Variants in NKAIN2 observed in about 807,000 individuals in gnomAD.
NKAIN2 encodes the protein sodium/potassium-transporting ATPase subunit beta-1-interacting protein 2.
A neutral mutation model predicts 32.6 loss-of-function variants in NKAIN2; 14 were observed. The observed-to-expected ratio is 0.43, with a 90% CI of 0.28 to 0.67. The LOEUF (loss-of-function observed/expected upper bound fraction) is 0.67. Ranked by LOEUF, NKAIN2 falls within the 30% of genes least tolerant of loss-of-function variation. The pLI is 0.17. For missense variants in NKAIN2, 198 were observed against 258.3 expected, an observed-to-expected ratio of 0.77 and a Z score of 1.60; for synonymous variants, 80 against 87.2, an observed-to-expected ratio of 0.92 and a Z score of 0.46.
chr6:124,263,379 C>T (rs918466992), intron 1 of NKAIN2, among the ~76,000 whole-genome samples: 1 of 152,104 alleles, frequency 6.6e-6, no homozygotes, highest in Non-Finnish European at 1.5e-5. Flanking sequence ...CACAGGGCAT[C>T]CGTAGAAAAC....
intron 1 of NKAIN2, among the ~76,000 whole-genome samples, chr6:124,003,062 T>C (rs1160297281): frequency 6.6e-6 from 1 of 152,224 alleles, no homozygotes; most frequent in Non-Finnish European, 1.5e-5. Context: ...ATAATTCTGA[T>C]ATCTCTTCTT....
In NKAIN2 at chr6:124,773,186, G is replaced by A. The variant is rs144144989; in HGVS notation, c.475-18153G>A. ...ATTAGACATCCTCCTAGTGAGAACCGTTTTAAGATAGAAGAGAAAGTGGAA... is the reference window on the plus strand; with the variant it reads ...ATTAGACATCCTCCTAGTGAGAACCATTTTAAGATAGAAGAGAAAGTGGAA... On this transcript the variant is annotated intron_variant, in intron 4 of 6. Transcript: ENST00000368417. Among the ~76,000 whole-genome samples, 327 of 152,214 alleles carry A rather than the reference G, an allele frequency of 2.1e-3. 2 individuals are homozygous for A. The highest frequency in any genetic ancestry group is 7.6e-3 in the African/African-American group (314 of 41,562).
intron 1 of NKAIN2, among the ~76,000 whole-genome samples, chr6:124,181,291 C>T (rs1379039681): frequency 6.6e-6 from 1 of 151,970 alleles, no homozygotes; most frequent in East Asian, 1.9e-4. Context: ...CATTTTTTTC[C>T]TCCTAGGCCT....
At chr6:124,155,216 C>T (rs906951457) in intron 1 of NKAIN2, among the ~76,000 whole-genome samples, 61 of 152,040 alleles carry the variant, frequency 4.0e-4, no homozygotes, top group African/African-American at 1.4e-3. Context: ...AAAATTATAT[C>T]TAGATGGGAA....
At chr6:124,257,784 T>C (rs983062017) in intron 1 of NKAIN2, among the ~76,000 whole-genome samples, 7 of 149,900 alleles carry the variant, frequency 4.7e-5, no homozygotes, top group Non-Finnish European at 1.0e-4. Context: ...TCTTTTCTTT[T>C]TTTTTTTTTT....
At chr6:124,434,586 T>A (rs1182726191) in intron 3 of NKAIN2, among the ~76,000 whole-genome samples, 1 of 152,208 alleles carries the variant, frequency 6.6e-6, no homozygotes, top group Non-Finnish European at 1.5e-5. Context: ...ATTTTTGAAC[T>A]GCTAGATATT....
intron 4 of NKAIN2, among the ~76,000 whole-genome samples, chr6:124,744,444 C>T (rs1777364762): frequency 1.3e-5 from 2 of 151,880 alleles, no homozygotes; most frequent in Admixed American, 1.3e-4. Context: ...TTTGATTGAA[C>T]TTTGACTTCC....
intron 1 of NKAIN2, among the ~76,000 whole-genome samples, chr6:123,930,505 T>G (rs1403732664): frequency 2.6e-5 from 4 of 152,172 alleles, no homozygotes; most frequent in African/African-American, 7.2e-5. Context: ...GGAAAATGTT[T>G]TGGAAATTCC....
rs75744941 is a variant in NKAIN2, at chr6:124,725,665, C to A, written c.475-65674C>A. ...GCAATCAGTTGTTTAAACTCCAGAA[C>A]GATATTCCACATAAAAATGAATGTG... is the stretch of plus-strand genomic sequence containing the variant. On this transcript the variant is annotated intron_variant, in intron 4 of 6. Coordinates refer to ENST00000368417, the MANE Select transcript of NKAIN2 (RefSeq NM_001040214.3). Among the ~76,000 whole-genome samples, 4 of 152,226 alleles carry A rather than the reference C, an allele frequency of 2.6e-5. No homozygotes were observed. The East Asian group carries it at 7.7e-4, about 29-fold the overall frequency.
chr6:124,783,666 T>C (rs1021065624), intron 4 of NKAIN2, among the ~76,000 whole-genome samples: 5 of 152,282 alleles, frequency 3.3e-5, no homozygotes, highest in African/African-American at 1.2e-4. Flanking sequence ...ACAATACAGA[T>C]GATATACCAG....
intron 1 of NKAIN2, among the ~76,000 whole-genome samples, chr6:124,095,398 T>C (rs1409979606): frequency 2.0e-5 from 3 of 152,196 alleles, no homozygotes; most frequent in Non-Finnish European, 4.4e-5. Flanking sequence ...TAAGGCTTGC[T>C]GTTGTCACTT....
chr6:123,833,838 C>G (rs2114919185), intron 1 of NKAIN2, among the ~76,000 whole-genome samples: 1 of 151,592 alleles, frequency 6.6e-6, no homozygotes, highest in Admixed American at 6.6e-5. Flanking sequence ...AGCAATTCTC[C>G]TGGCTCAGCC....
rs370212064 is a variant in NKAIN2, at chr6:123,947,772, C to T, written c.54+143518C>T. Among the ~76,000 whole-genome samples, 14 of 152,252 alleles carry T rather than the reference C, an allele frequency of 9.2e-5. No homozygotes were observed. In the East Asian group the frequency reaches 1.7e-3, roughly 19 times the overall value. ...ATATGCTGGGAACATTTCAAGTCCTCTGTTACAGCTTTTTTGAAATATACA... is the reference window on the plus strand; with the variant it reads ...ATATGCTGGGAACATTTCAAGTCCTTTGTTACAGCTTTTTTGAAATATACA... On this transcript the variant is annotated intron_variant, in intron 1 of 6. Coordinates refer to ENST00000368417, the MANE Select transcript of NKAIN2 (RefSeq NM_001040214.3).
chr6:124,501,735 G>T (rs1039163788), intron 3 of NKAIN2, among the ~76,000 whole-genome samples: 3 of 152,024 alleles, frequency 2.0e-5, no homozygotes, highest in Non-Finnish European at 4.4e-5. Flanking sequence ...CGCCTCTCTA[G>T]CATTTTGTCT....
At chr6:124,637,910 T>G (rs1405788041) in intron 3 of NKAIN2, among the ~76,000 whole-genome samples, 2 of 152,162 alleles carry the variant, frequency 1.3e-5, no homozygotes, top group Non-Finnish European at 2.9e-5. Flanking sequence ...AAAACAATTC[T>G]AATACTTGTA....
chr6:123,826,565 G>T (rs12201795), intron 1 of NKAIN2, among the ~76,000 whole-genome samples: 42,916 of 151,880 alleles, frequency 0.28, 8,735 homozygotes, highest in East Asian at 0.56. Flanking sequence ...TTCTGTCTCT[G>T]TGAATTTTAC....
At chr6:124,132,097 C>CT (rs1786510844) in intron 1 of NKAIN2, among the ~76,000 whole-genome samples, 1 of 152,148 alleles carries the variant, frequency 6.6e-6, no homozygotes, top group Admixed American at 6.5e-5. Context: ...CAAGATTGAC[C>CT]TTGCCAACTG....
intron 4 of NKAIN2, among the ~76,000 whole-genome samples, chr6:124,712,115 C>G (rs1167047380): frequency 6.6e-6 from 1 of 151,562 alleles, no homozygotes; most frequent in Non-Finnish European, 1.5e-5. Context: ...GGGGTGCCTC[C>G]CAGTTAGGCT....
At chr6:124,525,167 A>G (rs1228072938) in intron 3 of NKAIN2, among the ~76,000 whole-genome samples, 1 of 152,204 alleles carries the variant, frequency 6.6e-6, no homozygotes, top group Non-Finnish European at 1.5e-5. Context: ...AAGGGAGTAT[A>G]TTAATATGAA....
Sources: allele counts gnomAD v4.1 joint callset (sites outside exome capture counted in the v4.1 genomes callset), GRCh38; gene constraint gnomAD v4.1.1; transcripts MANE v1.5; gene names NCBI Gene and HGNC (gene_info 2026-07-23, HGNC 2026-07-21).